Variants in KIF16B observed in about 807,000 individuals in gnomAD.
KIF16B encodes kinesin family member 16B, also known as kinesin-like protein KIF16B.
A neutral mutation model predicts 156.3 loss-of-function variants in KIF16B; 98 were observed. The ratio of observed to expected loss-of-function variants is 0.63; its 90% confidence interval spans 0.53 to 0.74. The LOEUF (loss-of-function observed/expected upper bound fraction) is 0.74. Ranked by LOEUF, KIF16B falls within the 30% of genes least tolerant of loss-of-function variation. The pLI, the probability that KIF16B is intolerant of heterozygous loss-of-function variation, is 0.00. For synonymous variants in KIF16B, 564 were observed against 583.7 expected (o/e 0.97, Z 0.49); for missense variants, 1,421 against 1,606.5 (o/e 0.88, Z 1.97).
rs139808791 is a variant in KIF16B at position 16,573,157 on chromosome 20, G to C, written c.47+72C>G. The C allele has an allele frequency of 2.8e-6, 4 of 1,419,872 alleles. No homozygotes were observed. The African/African-American group carries it at 4.3e-5, about 15-fold the overall frequency. The allele number at this position is 1,419,872 out of a possible 1,614,324, so 88.0% of individuals were successfully genotyped here. A position where few individuals can be genotyped will look rare whatever the true frequency, so the allele number is the denominator to read the frequency against. ...ACACTTTTAAGTCCAGGCTGGCTTT[G>C]GGGGAGCTGGAAACAGGCTTCCTCT... On this transcript the variant is annotated intron_variant, in intron 1 of 25. Transcript: ENST00000354981.
At chr20:16,385,547 A>G (rs2065209844) in intron 17 of KIF16B, among the ~76,000 whole-genome samples, 1 of 152,212 alleles carries the variant, frequency 6.6e-6, no homozygotes, top group Admixed American at 6.5e-5. Flanking sequence ...TAAAGGCTGA[A>G]GAATGTAACA....
intron 23 of KIF16B, among the ~76,000 whole-genome samples, chr20:16,345,517 C>T (rs59443536): frequency 0.016 from 2,382 of 152,192 alleles, 69 homozygotes; most frequent in African/African-American, 0.054. Context: ...GTAGGCATTA[C>T]GGGACGTAAG....
At chr20:16,451,629 G>T (rs1338108088) in intron 12 of KIF16B, among the ~76,000 whole-genome samples, 1 of 151,840 alleles carries the variant, frequency 6.6e-6, no homozygotes, top group Non-Finnish European at 1.5e-5. Flanking sequence ...TGTAGACTTG[G>T]AAAACAGAAG....
chr20:16,555,828 A>T (rs2070827674), intron 1 of KIF16B, among the ~76,000 whole-genome samples: 1 of 152,236 alleles, frequency 6.6e-6, no homozygotes, highest in South Asian at 2.1e-4. Flanking sequence ...AGCCAAGATC[A>T]AATCAAAGAC....
At chr20:16,438,052 C>T (rs1236293379) in intron 12 of KIF16B, among the ~76,000 whole-genome samples, 3 of 151,474 alleles carry the variant, frequency 2.0e-5, no homozygotes, top group African/African-American at 7.3e-5. Context: ...GAGGCTGAGG[C>T]AGGAGAATCG....
intron 12 of KIF16B, among the ~76,000 whole-genome samples, chr20:16,480,899 C>A (rs2067964275): frequency 6.6e-6 from 1 of 152,154 alleles, no homozygotes; most frequent in Non-Finnish European, 1.5e-5. Flanking sequence ...CACCCAGTGT[C>A]TCCAAATGCT....
intron 12 of KIF16B, among the ~76,000 whole-genome samples, chr20:16,449,232 TC>T: frequency 6.6e-6 from 1 of 152,144 alleles, no homozygotes; most frequent in East Asian, 1.9e-4. Context: ...AAAGGGGGTC[TC>T]TGAATAGGAA....
chr20:16,395,780 A>G (rs1054391104), intron 17 of KIF16B, among the ~76,000 whole-genome samples: 4 of 152,138 alleles, frequency 2.6e-5, no homozygotes, highest in Non-Finnish European at 5.9e-5. Context: ...ACAGCCTAGA[A>G]CTGTGTCTAG....
intron 24 of KIF16B, among the ~76,000 whole-genome samples, chr20:16,334,620 AGTAGGAG>A (rs2064003330): frequency 1.3e-5 from 2 of 152,200 alleles, no homozygotes; most frequent in Admixed American, 1.3e-4. Flanking sequence ...GGTGGGGCCT[AGTAGGAG>A]GTGTTGGATC....
At chr20:16,315,798 C>T (rs1183457563) in intron 24 of KIF16B, among the ~76,000 whole-genome samples, 7 of 152,180 alleles carry the variant, frequency 4.6e-5, no homozygotes, top group East Asian at 1.9e-4. Context: ...CAATAAAGTA[C>T]AGGTAGGATG....
At chr20:16,523,331 CAA>C (rs2069418460) in intron 3 of KIF16B, among the ~76,000 whole-genome samples, 2 of 152,196 alleles carry the variant, frequency 1.3e-5, no homozygotes, top group Non-Finnish European at 2.9e-5. Context: ...GCAACTTCAG[CAA>C]AGTCTCAGGA....
At chr20:16,429,051 T>C in intron 13 of KIF16B, 47 bp from the exon 14 acceptor site, 2 of 1,439,654 alleles carry the variant, frequency 1.4e-6, no homozygotes, top group Non-Finnish European at 2.0e-6. Flanking sequence ...AGAGAAGGAA[T>C]AGCTTGTTTC....
intron 1 of KIF16B, among the ~76,000 whole-genome samples, chr20:16,560,637 T>C (rs2071021898): frequency 6.6e-6 from 1 of 152,164 alleles, no homozygotes; most frequent in African/African-American, 2.4e-5. Context: ...TGAAACCCCT[T>C]GTCTAAAAGA....
At chr20:16,310,053 C>T (rs2063596395) in intron 25 of KIF16B, among the ~76,000 whole-genome samples, 1 of 152,208 alleles carries the variant, frequency 6.6e-6, no homozygotes, top group African/African-American at 2.4e-5. Flanking sequence ...CTCAGATTAA[C>T]TTTCTATTAA....
intron 17 of KIF16B, among the ~76,000 whole-genome samples, chr20:16,384,066 AGTTTGGTAATGAAATCTCT>A (rs1175062131): frequency 2.6e-5 from 4 of 152,242 alleles, no homozygotes; most frequent in Non-Finnish European, 2.9e-5. Context: ...CTTGAATTCA[AGTTTGGTAATGAAATCTCT>A]GCTGCCAACC....
chr20:16,471,386 T>C (rs2146759078), intron 12 of KIF16B, among the ~76,000 whole-genome samples: 1 of 152,292 alleles, frequency 6.6e-6, no homozygotes, highest in East Asian at 1.9e-4. Context: ...TCTAGCAATA[T>C]AAGGGGTTCT....
intron 1 of KIF16B, among the ~76,000 whole-genome samples, chr20:16,535,294 ATTTCAT>A (rs1382698665): frequency 8.5e-5 from 13 of 152,200 alleles, no homozygotes; most frequent in Admixed American, 2.0e-4. Flanking sequence ...TTTCTCAGCT[ATTTCAT>A]TATTGGTATA....
intron 24 of KIF16B, among the ~76,000 whole-genome samples, chr20:16,331,251 T>C (rs1006588079): frequency 1.3e-5 from 2 of 152,152 alleles, no homozygotes; most frequent in East Asian, 3.9e-4. Flanking sequence ...TAATTTATTA[T>C]TGGGGAAAAA....
intron 1 of KIF16B, among the ~76,000 whole-genome samples, chr20:16,561,166 T>C (rs1600702728): frequency 6.6e-6 from 1 of 151,806 alleles, no homozygotes; most frequent in African/African-American, 2.4e-5. Context: ...TGGTGGCGGG[T>C]ATCTGTAATG....
Sources: allele counts gnomAD v4.1 joint callset (sites outside exome capture counted in the v4.1 genomes callset), GRCh38; gene constraint gnomAD v4.1.1; transcripts MANE v1.5; gene names NCBI Gene and HGNC (gene_info 2026-07-23, HGNC 2026-07-21).